Variants in PRKG2 observed in about 807,000 individuals in gnomAD.
PRKG2 encodes the protein cGMP-dependent protein kinase 2.
PRKG2 carries 33 observed loss-of-function variants against 97.2 expected under a neutral mutation model. The ratio of observed to expected loss-of-function variants is 0.34; its 90% CI spans 0.26 to 0.45. The LOEUF (loss-of-function observed/expected upper bound fraction) is 0.45, where lower values mean the gene tolerates loss of function less well. Ranked by LOEUF, PRKG2 falls within the 20% of genes least tolerant of loss-of-function variation. The pLI, the probability that PRKG2 is intolerant of heterozygous loss-of-function variation, is 1.00. For missense variants in PRKG2, 638 were observed against 900.0 expected, an observed-to-expected ratio of 0.71 and a Z score of 3.73; for synonymous variants, 330 against 321.8, an observed-to-expected ratio of 1.03 and a Z score of -0.27.
At chr4:81,133,071 A>G (rs974845939) in intron 14 of PRKG2, among the ~76,000 whole-genome samples, 1 of 152,100 alleles carries the variant, frequency 6.6e-6, no homozygotes, top group Non-Finnish European at 1.5e-5. Context: ...TCTTCCAGAA[A>G]GAATATACAT....
chr4:81,092,412 T>A lies in PRKG2; in HGVS notation c.2167A>T (p.Ser723Cys). 6 of 1,595,326 alleles carry A rather than the reference T, an allele frequency of 3.8e-6. No homozygotes were observed. The highest frequency in any genetic ancestry group is 5.1e-6 in the Non-Finnish European group (6 of 1,166,296). ...GFNWEGLKARSLPSPLQRELK... is the reference protein window; with the variant it reads ...GFNWEGLKARCLPSPLQRELK... ...TCTCTTTGCAAAGGTGATGGAAGGC[T>A]CCGTGCTTTCAGTCCCTCCCAATTA... The change falls in exon 18 of 19, where the codon AGC (serine) becomes TGC (cysteine). Residue 723 changes from serine (S) to cysteine (C), a missense_variant. Coordinates refer to ENST00000264399, the MANE Select transcript of PRKG2 (RefSeq NM_006259.3).
At chr4:81,172,033 C>T (rs1033374402) in intron 3 of PRKG2, among the ~76,000 whole-genome samples, 3 of 151,440 alleles carry the variant, frequency 2.0e-5, no homozygotes, top group African/African-American at 7.3e-5. Flanking sequence ...AGTTCCTCAT[C>T]AACGATGAGG....
chr4:81,214,169 AAG>A (rs1320594935), intron 1 of PRKG2, among the ~76,000 whole-genome samples: 2 of 150,484 alleles, frequency 1.3e-5, no homozygotes, highest in African/African-American at 2.4e-5. Flanking sequence ...AAAAAAAAAA[AAG>A]AAGGAGAAGA....
intron 2 of PRKG2, among the ~76,000 whole-genome samples, chr4:81,198,389 A>T (rs2110122180): frequency 6.6e-6 from 1 of 152,284 alleles, no homozygotes; most frequent in South Asian, 2.1e-4. Flanking sequence ...ATTTAACTTC[A>T]TCTAGATGTC....
chr4:81,154,962 C>A (rs563570080), intron 6 of PRKG2, among the ~76,000 whole-genome samples: 1 of 151,988 alleles, frequency 6.6e-6, no homozygotes, highest in African/African-American at 2.4e-5. Context: ...ATCACGAGGT[C>A]AGGAGATCGA....
At position 81,110,478 on chromosome 4, in the gene PRKG2, C is replaced by T; in HGVS notation, c.1910G>A (p.Gly637Glu). Reference sequence around the variant, plus strand: ...CGTTAGGAGCTCATACACTAGAATTCCCAGTGACCAGAAATCCACACTGAA... The same window carrying T: ...CGTTAGGAGCTCATACACTAGAATTTCCAGTGACCAGAAATCCACACTGAA... ...HDFSVDFWSL[G>E]ILVYELLTGN... is the part of the protein sequence containing the mutation. Residue 637 changes from glycine to glutamate, a missense_variant, in exon 15 of 19, where the codon GGA becomes GAA. Coordinates refer to ENST00000264399, the MANE Select transcript of PRKG2 (RefSeq NM_006259.3). 2.5e-6 allele frequency: 4 copies of T among 1,613,732 alleles called. No individual in the cohort carries two copies. Among genetic ancestry groups the T allele is most frequent in the Non-Finnish European group, 3.4e-6 (4 of 1,179,902 alleles).
At chr4:81,143,759 T>C (rs1747531056) in intron 10 of PRKG2, among the ~76,000 whole-genome samples, 3 of 152,190 alleles carry the variant, frequency 2.0e-5, no homozygotes, top group South Asian at 2.1e-4. Flanking sequence ...ATAATTTTCA[T>C]TTAACAAAAG....
chr4:81,194,454 C>T (rs1198918752), intron 2 of PRKG2, among the ~76,000 whole-genome samples: 4 of 151,416 alleles, frequency 2.6e-5, no homozygotes, highest in Non-Finnish European at 2.9e-5. Context: ...GAGAAACTAG[C>T]GTGACAAAAA....
At chr4:81,216,161 C>T (rs1560636499), upstream of PRKG2, among the ~76,000 whole-genome samples, 2 of 152,086 alleles carry the variant, frequency 1.3e-5, no homozygotes, top group South Asian at 2.1e-4. Flanking sequence ...CAGTGGGGCT[C>T]ATGTAACATT....
At chr4:81,159,360 G>A (rs1749406543) in intron 6 of PRKG2, among the ~76,000 whole-genome samples, 1 of 152,292 alleles carries the variant, frequency 6.6e-6, no homozygotes, top group African/African-American at 2.4e-5. Flanking sequence ...ATGAAAAAAT[G>A]CTCATCATCA....
chr4:81,113,564 A>G (rs2109987275), intron 14 of PRKG2, among the ~76,000 whole-genome samples: 1 of 152,300 alleles, frequency 6.6e-6, no homozygotes, highest in South Asian at 2.1e-4. Context: ...TGATGATTGT[A>G]TCATTCAGAA....
intron 13 of PRKG2, among the ~76,000 whole-genome samples, chr4:81,135,812 G>A (rs1322293118): frequency 6.6e-6 from 1 of 151,706 alleles, no homozygotes; most frequent in Non-Finnish European, 1.5e-5. Context: ...TCAGCACTGT[G>A]TGTAGTTTTA....
chr4:81,180,454 T>C (rs562744816), intron 2 of PRKG2, among the ~76,000 whole-genome samples: 1 of 152,076 alleles, frequency 6.6e-6, no homozygotes, highest in Non-Finnish European at 1.5e-5. Context: ...GAAAAAGATA[T>C]ACTATGTAAA....
chr4:81,108,206 AAAAT>A, intron 15 of PRKG2, among the ~76,000 whole-genome samples: 1 of 152,148 alleles, frequency 6.6e-6, no homozygotes, highest in East Asian at 2.0e-4. Context: ...CTCCATCTCA[AAAAT>A]AAATAAATAA....
intron 1 of PRKG2, among the ~76,000 whole-genome samples, 180 bp downstream of exon 1, chr4:81,214,756 G>A (rs565291975): frequency 6.6e-6 from 1 of 152,216 alleles, no homozygotes; most frequent in East Asian, 1.9e-4. Flanking sequence ...CACACCGAGC[G>A]AATGCAACGC....
At chr4:81,103,150 A>C (rs1742969098) in intron 17 of PRKG2, among the ~76,000 whole-genome samples, 1 of 152,212 alleles carries the variant, frequency 6.6e-6, no homozygotes, top group Admixed American at 6.6e-5. Context: ...TTAATACATC[A>C]GAGAGGATGT....
chr4:81,202,962 T>C (rs2110127661), intron 2 of PRKG2, among the ~76,000 whole-genome samples: 1 of 152,106 alleles, frequency 6.6e-6, no homozygotes, highest in South Asian at 2.1e-4. Flanking sequence ...CTCTTACATG[T>C]CATTCTGCAT....
intron 6 of PRKG2, among the ~76,000 whole-genome samples, chr4:81,157,689 C>G (rs1172918923): frequency 6.6e-6 from 1 of 152,034 alleles, no homozygotes; most frequent in Non-Finnish European, 1.5e-5. Context: ...CAATAAAATA[C>G]TGGCAAACCG....
At chr4:81,189,138 T>C (rs1359149992) in intron 2 of PRKG2, among the ~76,000 whole-genome samples, 1 of 39,702 alleles carries the variant, frequency 2.5e-5, no homozygotes, top group Non-Finnish European at 4.2e-5. Flanking sequence ...CAAGGAAAAA[T>C]ACAGGTTTTT....
Sources: allele counts gnomAD v4.1 joint callset (sites outside exome capture counted in the v4.1 genomes callset), GRCh38; gene constraint gnomAD v4.1.1; transcripts MANE v1.5; gene names NCBI Gene and HGNC (gene_info 2026-07-23, HGNC 2026-07-21).